The following ARHGAP26 variants were observed in gnomAD, a reference collection of about 807,000 sequenced individuals.
ARHGAP26 encodes the protein Rho GTPase activating protein 26.
Under a neutral mutation model 104.8 loss-of-function variants are expected in ARHGAP26, and 38 were observed. The observed-to-expected ratio is 0.36, with a 90% CI of 0.28 to 0.48. The LOEUF is 0.48. Ranked by LOEUF, ARHGAP26 falls within the 20% of genes least tolerant of loss-of-function variation. The pLI, the probability that ARHGAP26 is intolerant of heterozygous loss-of-function variation, is 0.99. For synonymous variants in ARHGAP26, 341 were observed against 340.0 expected, an observed-to-expected ratio of 1.00 and a Z score of -0.03; for missense variants, 704 against 947.9, an observed-to-expected ratio of 0.74 and a Z score of 3.38.
intron 1 of ARHGAP26, among the ~76,000 whole-genome samples, chr5:142,781,664 A>C (rs1370321342): frequency 1.3e-5 from 2 of 152,208 alleles, no homozygotes; most frequent in African/African-American, 4.8e-5. Context: ...GTGGGATCAC[A>C]ATTTGAATAT....
intron 17 of ARHGAP26, among the ~76,000 whole-genome samples, chr5:143,061,781 T>C (rs1786748068): frequency 6.6e-6 from 1 of 152,354 alleles, no homozygotes; most frequent in East Asian, 1.9e-4. Context: ...GCGTCTTGTG[T>C]TGGCTAGCTC....
chr5:143,162,620 A>G (rs1403520705), intron 20 of ARHGAP26, among the ~76,000 whole-genome samples: 1 of 152,108 alleles, frequency 6.6e-6, no homozygotes, highest in Non-Finnish European at 1.5e-5. Context: ...AACACCCACC[A>G]ATTGCCCTTA....
At chr5:142,973,632 G>T (rs937583903) in intron 11 of ARHGAP26, among the ~76,000 whole-genome samples, 2 of 152,152 alleles carry the variant, frequency 1.3e-5, no homozygotes, top group Non-Finnish European at 2.9e-5. Flanking sequence ...GAATGAAAGA[G>T]AAATTTCAGT....
intron 1 of ARHGAP26, among the ~76,000 whole-genome samples, chr5:142,864,476 A>C (rs1479757389): frequency 6.6e-6 from 1 of 152,206 alleles, no homozygotes; most frequent in Non-Finnish European, 1.5e-5. Context: ...AGGTGAAAGG[A>C]AATTGTAAAT....
intron 20 of ARHGAP26, among the ~76,000 whole-genome samples, chr5:143,152,461 C>A (rs1296092088): frequency 2.6e-5 from 4 of 152,184 alleles, no homozygotes; most frequent in Non-Finnish European, 4.4e-5. Context: ...GAGTTGGTTA[C>A]ACTAAACCTA....
chr5:143,108,902 A>G (rs1794421701), intron 17 of ARHGAP26, among the ~76,000 whole-genome samples: 1 of 152,206 alleles, frequency 6.6e-6, no homozygotes, highest in African/African-American at 2.4e-5. Flanking sequence ...GCAAGCTCTC[A>G]GCGCTGGGTC....
chr5:143,019,374 G>A (rs1780013021), intron 12 of ARHGAP26, among the ~76,000 whole-genome samples: 1 of 151,914 alleles, frequency 6.6e-6, no homozygotes, highest in East Asian at 1.9e-4. Flanking sequence ...GACTTCCCTG[G>A]GCAAGAACCA....
At chr5:143,053,542 T>C (rs982633250) in intron 14 of ARHGAP26, among the ~76,000 whole-genome samples, 1 of 152,190 alleles carries the variant, frequency 6.6e-6, no homozygotes, top group African/African-American at 2.4e-5. Flanking sequence ...CCTCTGCCTC[T>C]TCTTCTCACC....
At chr5:142,910,746 G>A (rs1291407252) in intron 9 of ARHGAP26, among the ~76,000 whole-genome samples, 5 of 151,914 alleles carry the variant, frequency 3.3e-5, no homozygotes, top group Admixed American at 6.6e-5. Context: ...CTCAAAAAAA[G>A]AAAAAAAGAA....
At chr5:143,216,234 C>T (rs778613255) in intron 22 of ARHGAP26, 16 of 471,262 alleles carry the variant, frequency 3.4e-5, no homozygotes, top group Non-Finnish European at 1.3e-5. Flanking sequence ...CACACCGAAG[C>T]TCCGGGCACC....
chr5:143,188,541 T>C (rs1162790915), intron 20 of ARHGAP26, among the ~76,000 whole-genome samples: 1 of 152,164 alleles, frequency 6.6e-6, no homozygotes, highest in Non-Finnish European at 1.5e-5. Flanking sequence ...GTATATATAG[T>C]AGAGTACCAT....
intron 20 of ARHGAP26, among the ~76,000 whole-genome samples, chr5:143,184,133 A>G (rs1201493991): frequency 1.3e-5 from 2 of 152,220 alleles, no homozygotes; most frequent in Non-Finnish European, 2.9e-5. Flanking sequence ...TATCTATTTC[A>G]ACAAATAAAC....
intron 20 of ARHGAP26, among the ~76,000 whole-genome samples, chr5:143,167,415 A>T (rs781773105): frequency 1.5e-5 from 2 of 137,084 alleles, no homozygotes; most frequent in African/African-American, 5.6e-5. Flanking sequence ...CCGGGGGGGA[A>T]GAGGTTACAG....
intron 20 of ARHGAP26, among the ~76,000 whole-genome samples, chr5:143,150,062 C>T (rs182666570): frequency 6.6e-6 from 1 of 152,302 alleles, no homozygotes; most frequent in East Asian, 1.9e-4. Flanking sequence ...AATGCTAAAT[C>T]AGGCATCAAA....
At chr5:142,853,185 ATTTTAT>A (rs1751824698) in intron 1 of ARHGAP26, among the ~76,000 whole-genome samples, 1 of 151,836 alleles carries the variant, frequency 6.6e-6, no homozygotes, top group Non-Finnish European at 1.5e-5. Context: ...TTATTTTTTA[ATTTTAT>A]TATTATTTTT....
At chr5:143,183,312 C>A (rs1022222956) in intron 20 of ARHGAP26, among the ~76,000 whole-genome samples, 1 of 152,148 alleles carries the variant, frequency 6.6e-6, no homozygotes, top group Non-Finnish European at 1.5e-5. Flanking sequence ...ATGGTCTCCT[C>A]ACCTGTGAAA....
chr5:142,776,887 G>A (rs1373864419), intron 1 of ARHGAP26, among the ~76,000 whole-genome samples: 1 of 152,164 alleles, frequency 6.6e-6, no homozygotes, highest in South Asian at 2.1e-4. Flanking sequence ...CACCAACAAT[G>A]TATGAGGATT....
chr5:143,052,216 A>G lies in ARHGAP26; in HGVS notation c.1286-2223A>G, dbSNP rs1785142770. Among the ~76,000 whole-genome samples, 4 of 152,192 alleles carry G rather than the reference A, an allele frequency of 2.6e-5. No homozygotes were observed. In the South Asian group the frequency reaches 8.3e-4, roughly 32 times the overall value. ...GCCAGGCGCGGTGGCTCATGCCTGT[A>G]ATCCCAGCACTTTAGGAGGCCGAGG... is the stretch of plus-strand genomic sequence containing the variant. On this transcript the variant is annotated intron_variant, in intron 14 of 22. Transcript: ENST00000645722.
At chr5:142,881,153 G>T (rs535556185) in intron 4 of ARHGAP26, among the ~76,000 whole-genome samples, 1 of 152,370 alleles carries the variant, frequency 6.6e-6, no homozygotes, top group African/African-American at 2.4e-5. Context: ...CTTGGGGCCT[G>T]TGCCTCCCCA....
Sources: allele counts gnomAD v4.1 joint callset (sites outside exome capture counted in the v4.1 genomes callset), GRCh38; gene constraint gnomAD v4.1.1; transcripts MANE v1.5; gene names NCBI Gene and HGNC (gene_info 2026-07-23, HGNC 2026-07-21).